Variants in MAP3K2 observed in about 807,000 individuals in gnomAD.
MAP3K2 encodes the protein mitogen-activated protein kinase kinase kinase 2.
In MAP3K2, 24 loss-of-function variants were observed where a neutral mutation model predicts 80.3. The ratio of observed to expected loss-of-function variants is 0.30; its 90% CI spans 0.22 to 0.42. The LOEUF is 0.42. Among genes scored for constraint, MAP3K2 ranks in the 10% least tolerant of loss-of-function variants. The pLI is 1.00. For synonymous variants in MAP3K2, 244 were observed against 253.7 expected (o/e 0.96, Z 0.36); for missense variants, 608 against 750.1 (o/e 0.81, Z 2.21).
At chr2:127,344,621 G>A (rs1289912911) in intron 1 of MAP3K2, among the ~76,000 whole-genome samples, 1 of 152,104 alleles carries the variant, frequency 6.6e-6, no homozygotes, top group Non-Finnish European at 1.5e-5. Context: ...AGTGAACTAT[G>A]ATTGTACTCC....
rs185547998 is a variant in MAP3K2, at chr2:127,329,931, T to C, written c.456A>G (p.Leu152=). The change falls in exon 7 of 17, where the codon CTA becomes CTG. Residue 152 remains leucine, a synonymous_variant. Transcript: ENST00000682094. ...TVFGAERKKR[L]SIIGPTSRDR... Reference sequence around the variant, plus strand: ...ACACTAGTTTCTTACCTATTATAGATAGCCGTTTTTTCCTCTCTGCTCCAA... The same window carrying C: ...ACACTAGTTTCTTACCTATTATAGACAGCCGTTTTTTCCTCTCTGCTCCAA... 15 of 1,588,890 alleles carry C rather than the reference T, an allele frequency of 9.4e-6. No homozygotes were observed. In the East Asian group the frequency reaches 1.1e-4, roughly 12 times the overall value.
intron 3 of MAP3K2, 123 bp from the exon 4 acceptor site, chr2:127,337,901 G>T (rs1389674600): frequency 3.6e-6 from 2 of 554,068 alleles, no homozygotes; most frequent in East Asian, 3.3e-5. Context: ...GACCAGACGA[G>T]GAGGGAATTT....
chr2:127,314,950 CTT>C (rs1162240683), intron 14 of MAP3K2, 67 bp from the exon 15 acceptor site: 1 of 1,170,444 alleles, frequency 8.5e-7, no homozygotes, highest in African/African-American at 1.6e-5. Flanking sequence ...GCTATTAAAT[CTT>C]TATCAGTAAA....
chr2:127,320,778 C>G (rs1230310186), intron 12 of MAP3K2, among the ~76,000 whole-genome samples: 3 of 152,146 alleles, frequency 2.0e-5, no homozygotes, highest in African/African-American at 7.2e-5. Context: ...TAGCAGATTT[C>G]TCTTCAGGAA....
In MAP3K2 at chr2:127,387,876, G is replaced by C. The variant is rs1218995212; in HGVS notation, c.-490C>G. 9 of 982,028 alleles carry C rather than the reference G, an allele frequency of 9.2e-6. No individual in the cohort carries two copies. In the Admixed American group the frequency reaches 5.5e-4, roughly 60 times the overall value. The allele number at this position is 982,028 out of a possible 1,614,324, so 60.8% of individuals were successfully genotyped here. ...GTTGTTTTCGTCGCCGCCGCGGGCC[G>C]TGCAACCCCCGAACGCTGCGCCCAG... On this transcript the variant is annotated 5_prime_UTR_variant, in exon 1 of 17. Coordinates refer to ENST00000682094, the MANE Select transcript of MAP3K2 (RefSeq NM_001371910.2).
At chr2:127,356,847 G>A (rs767400342) in intron 1 of MAP3K2, among the ~76,000 whole-genome samples, 2 of 152,148 alleles carry the variant, frequency 1.3e-5, no homozygotes, top group Non-Finnish European at 2.9e-5. Flanking sequence ...AACCTCAAAA[G>A]CACAGGCAAC....
intron 1 of MAP3K2, among the ~76,000 whole-genome samples, chr2:127,356,140 T>C (rs565696919): frequency 6.6e-6 from 1 of 152,254 alleles, no homozygotes; most frequent in East Asian, 1.9e-4. Flanking sequence ...TTCAAAGTTG[T>C]CCATCAGGGC....
At chr2:127,381,319 G>A (rs968459010) in intron 1 of MAP3K2, among the ~76,000 whole-genome samples, 28 of 152,144 alleles carry the variant, frequency 1.8e-4, no homozygotes, top group African/African-American at 6.0e-4. Context: ...TTATTCTTGT[G>A]CAGTAGATGT....
intron 1 of MAP3K2, among the ~76,000 whole-genome samples, chr2:127,360,809 C>T (rs767911522): frequency 5.9e-5 from 9 of 152,122 alleles, no homozygotes; most frequent in Admixed American, 1.3e-4. Flanking sequence ...TCAAATCTGT[C>T]GTCATTGGTT....
chr2:127,350,463 A>G (rs1199490239), intron 1 of MAP3K2, among the ~76,000 whole-genome samples: 1 of 150,956 alleles, frequency 6.6e-6, no homozygotes, highest in African/African-American at 2.4e-5. Context: ...ACAAAAAAAA[A>G]AAAAAAAAGA....
Position 127,339,257 on chromosome 2 carries a change from G to A in MAP3K2, c.5-207C>T, listed in dbSNP as rs994344422. Reference sequence around the variant, plus strand: ...ATCTCTAGCATCAGTCCACACATGAGACACTAATGGACAAGATGAAGTCAT... The same window carrying A: ...ATCTCTAGCATCAGTCCACACATGAAACACTAATGGACAAGATGAAGTCAT... On this transcript the variant is annotated intron_variant, in intron 2 of 16. Coordinates refer to ENST00000682094, the MANE Select transcript of MAP3K2 (RefSeq NM_001371910.2). This position sits in a 1 kb window ranked among gnomAD's most constrained non-coding sequence, Gnocchi z 4.2. Among the ~76,000 whole-genome samples, 1 of 152,148 alleles carries A rather than the reference G, an allele frequency of 6.6e-6. No homozygotes were observed. Among genetic ancestry groups the A allele is most frequent in the Non-Finnish European group, 1.5e-5 (1 of 68,018 alleles).
chr2:127,316,435 C>A (rs1038781321), intron 14 of MAP3K2, among the ~76,000 whole-genome samples: 1 of 152,086 alleles, frequency 6.6e-6, no homozygotes, highest in Non-Finnish European at 1.5e-5. Context: ...ATATTAATCA[C>A]CACCTTGAAA....
intron 1 of MAP3K2, among the ~76,000 whole-genome samples, chr2:127,371,263 C>T (rs1687059643): frequency 6.6e-6 from 1 of 152,244 alleles, no homozygotes; most frequent in Middle Eastern, 3.4e-3. Context: ...AACAACAAGC[C>T]AACCAGAACG....
In MAP3K2 at chr2:127,304,122, T is replaced by C. The variant is rs1685649170; in HGVS notation, c.*3457A>G. 1 of 152,176 alleles carries C rather than the reference T, an allele frequency of 6.6e-6. No individual in the cohort carries two copies. Among genetic ancestry groups the C allele is most frequent in the South Asian group, 2.1e-4 (1 of 4,832 alleles). The allele number at this position is 152,176 out of a possible 1,614,324, so 9.4% of individuals were successfully genotyped here. ...TTTCTTTTACAGTTCAGCAAATGCATTAATATTTTAATTCCTTATATATGT... is the reference window on the plus strand; with the variant it reads ...TTTCTTTTACAGTTCAGCAAATGCACTAATATTTTAATTCCTTATATATGT... On this transcript the variant is annotated 3_prime_UTR_variant, in exon 17 of 17. Coordinates refer to ENST00000682094, the MANE Select transcript of MAP3K2 (RefSeq NM_001371910.2).
intron 1 of MAP3K2, among the ~76,000 whole-genome samples, chr2:127,385,666 G>A (rs1687332010): frequency 6.6e-6 from 1 of 152,152 alleles, no homozygotes; most frequent in Non-Finnish European, 1.5e-5. Context: ...TTTTCTGTAT[G>A]CTTGAAATTG....
At chr2:127,356,809 C>T (rs528520406) in intron 1 of MAP3K2, among the ~76,000 whole-genome samples, 1 of 152,316 alleles carries the variant, frequency 6.6e-6, no homozygotes, top group African/African-American at 2.4e-5. Context: ...CTTTTGGACA[C>T]TGGTCTAGGC....
chr2:127,372,794 T>G (rs1467227348), intron 1 of MAP3K2, among the ~76,000 whole-genome samples: 1 of 152,186 alleles, frequency 6.6e-6, no homozygotes, highest in Non-Finnish European at 1.5e-5. Flanking sequence ...AGCCCGTGAA[T>G]TAGTTGAGGG....
At chr2:127,370,289 T>TA (rs1181604208) in intron 1 of MAP3K2, among the ~76,000 whole-genome samples, 2 of 152,192 alleles carry the variant, frequency 1.3e-5, no homozygotes, top group Non-Finnish European at 2.9e-5. Flanking sequence ...CCCAGTCCCC[T>TA]AGCCCACTCT....
At chr2:127,368,164 A>C (rs1687003316) in intron 1 of MAP3K2, among the ~76,000 whole-genome samples, 1 of 151,956 alleles carries the variant, frequency 6.6e-6, no homozygotes, top group South Asian at 2.1e-4. Context: ...TCTACTACAA[A>C]TAGGAAAATT....
Sources: allele counts gnomAD v4.1 joint callset (sites outside exome capture counted in the v4.1 genomes callset), GRCh38; gene constraint gnomAD v4.1.1; non-coding constraint Gnocchi (gnomAD v3.1); transcripts MANE v1.5; gene names NCBI Gene and HGNC (gene_info 2026-07-23, HGNC 2026-07-21).